Variants in GRM8 observed in about 807,000 individuals in gnomAD.
The protein encoded by GRM8 is glutamate metabotropic receptor 8.
GRM8 carries 47 observed loss-of-function variants against 87.2 expected under a neutral mutation model. The ratio of observed to expected loss-of-function variants is 0.54; its 90% confidence interval spans 0.43 to 0.69. The LOEUF is 0.69. Among genes scored for constraint, GRM8 ranks in the 30% least tolerant of loss-of-function variants. The pLI is 0.00. For synonymous variants in GRM8, 396 were observed against 404.5 expected, an observed-to-expected ratio of 0.98 and a Z score of 0.25; for missense variants, 1,019 against 1,139.2, an observed-to-expected ratio of 0.89 and a Z score of 1.52.
Position 126,900,301 on chromosome 7 carries a change from T to C in GRM8, c.1156+2241A>G, listed in dbSNP as rs191147435. On this transcript the variant is annotated intron_variant, in intron 6 of 10. Transcript: ENST00000339582. The stretch of plus-strand genomic sequence containing the variant: ...TTTATTTTATATTTCCTCTGTTAAC[T>C]AATTACATCACCATTTTCCTAGACC... 3.1e-3 allele frequency among the ~76,000 whole-genome samples: 470 copies of C among 152,304 alleles called. 5 individuals carry two copies. Among genetic ancestry groups the C allele is most frequent in the African/African-American group, 0.011 (450 of 41,568 alleles).
chr7:126,770,983 A>T (rs1818784986), intron 6 of GRM8, among the ~76,000 whole-genome samples: 1 of 152,068 alleles, frequency 6.6e-6, no homozygotes, highest in Non-Finnish European at 1.5e-5. Flanking sequence ...TGGGCATACA[A>T]GAAAAAATTA....
rs939029216 is a variant in GRM8, at chr7:127,119,558, A to C, written c.511-12846T>G. ...TACACAAGAAAGAAAGAAAAAAGAAAAGAAAAGGTAGAAGATGACTGAAAG... is the reference window on the plus strand; with the variant it reads ...TACACAAGAAAGAAAGAAAAAAGAACAGAAAAGGTAGAAGATGACTGAAAG... On this transcript the variant is annotated intron_variant, in intron 2 of 10. Transcript: ENST00000339582. Among the ~76,000 whole-genome samples the C allele has an allele frequency of 2.6e-5, 4 of 152,036 alleles. 1 individual carries two copies. The highest frequency in any genetic ancestry group is 2.6e-4 in the Admixed American group (4 of 15,262).
chr7:126,882,064 T>C (rs1265310489), intron 6 of GRM8, among the ~76,000 whole-genome samples: 3 of 152,170 alleles, frequency 2.0e-5, no homozygotes, highest in Non-Finnish European at 2.9e-5. Context: ...TATCTTACAC[T>C]AGTGACTTGG....
At chr7:126,721,902 T>C (rs1812429941) in intron 7 of GRM8, among the ~76,000 whole-genome samples, 1 of 152,118 alleles carries the variant, frequency 6.6e-6, no homozygotes, top group Non-Finnish European at 1.5e-5. Flanking sequence ...TTTTTTGTTG[T>C]TGTTTGCTTT....
chr7:127,065,740 C>T (rs1821042440), intron 3 of GRM8, among the ~76,000 whole-genome samples: 1 of 152,158 alleles, frequency 6.6e-6, no homozygotes, highest in Non-Finnish European at 1.5e-5. Context: ...GTTACTGCCA[C>T]AGTTGCAGAG....
chr7:126,735,909 A>G (rs1013232158), intron 7 of GRM8, among the ~76,000 whole-genome samples: 10 of 152,082 alleles, frequency 6.6e-5, no homozygotes, highest in African/African-American at 1.2e-4. Context: ...GGCATTACCC[A>G]TCTTTCTTTC....
chr7:126,905,350 C>T (rs1044675266), intron 3 of GRM8, among the ~76,000 whole-genome samples: 2 of 152,140 alleles, frequency 1.3e-5, no homozygotes, highest in Non-Finnish European at 2.9e-5. Flanking sequence ...TTGGCCTCTC[C>T]TTCTTAGGCA....
chr7:127,197,241 A>G (rs773807957), intron 2 of GRM8, among the ~76,000 whole-genome samples: 5 of 152,196 alleles, frequency 3.3e-5, no homozygotes, highest in Non-Finnish European at 5.9e-5. Context: ...CTTCTAATCT[A>G]CTTTTTAAAT....
intron 3 of GRM8, among the ~76,000 whole-genome samples, chr7:127,049,025 A>G (rs1179240873): frequency 6.6e-6 from 1 of 152,188 alleles, no homozygotes; most frequent in East Asian, 1.9e-4. Flanking sequence ...GAGGCTCGCC[A>G]TTATATTCTT....
intron 9 of GRM8, among the ~76,000 whole-genome samples, chr7:126,515,765 A>G (rs1425248174): frequency 6.6e-6 from 1 of 151,996 alleles, no homozygotes; most frequent in Non-Finnish European, 1.5e-5. Context: ...TCCCTCTTCC[A>G]TATCTGAGAC....
intron 3 of GRM8, among the ~76,000 whole-genome samples, chr7:127,095,130 C>T (rs1475860149): frequency 2.0e-5 from 3 of 152,058 alleles, no homozygotes; most frequent in African/African-American, 7.2e-5. Flanking sequence ...AACCAGGAGG[C>T]CAGAATACAG....
At chr7:127,213,176 C>T (rs1392987732) in intron 2 of GRM8, among the ~76,000 whole-genome samples, 2 of 152,220 alleles carry the variant, frequency 1.3e-5, no homozygotes, top group African/African-American at 4.8e-5. Context: ...AACTGGCTCA[C>T]TTCTCCGAAT....
chr7:126,912,100 G>A (rs1803369762), intron 3 of GRM8, among the ~76,000 whole-genome samples: 1 of 152,186 alleles, frequency 6.6e-6, no homozygotes, highest in South Asian at 2.1e-4. Flanking sequence ...GGGAGGCTGA[G>A]GCAGGAGAAC....
At chr7:127,148,307 A>G (rs13230800) in intron 2 of GRM8, among the ~76,000 whole-genome samples, 6,017 of 152,050 alleles carry the variant, frequency 0.04, 164 homozygotes, top group Non-Finnish European at 0.061. Context: ...TGCACCCCAC[A>G]CCAGAGCACC....
chr7:126,644,103 T>C lies in GRM8; in HGVS notation c.1358-34605A>G, dbSNP rs1040744430. 3.3e-5 allele frequency among the ~76,000 whole-genome samples: 5 copies of C among 152,360 alleles called. No homozygotes were observed. In the South Asian group the frequency reaches 1.0e-3, roughly 32 times the overall value. On this transcript the variant is annotated intron_variant, in intron 7 of 10. Transcript: ENST00000339582. ...AGTCGATGGTGAATCTTACATTAGA[T>C]GGTATCTTGGATCTATGTTGTGATT...
At chr7:127,075,226 C>T (rs1320523447) in intron 3 of GRM8, among the ~76,000 whole-genome samples, 1 of 152,084 alleles carries the variant, frequency 6.6e-6, no homozygotes, top group Non-Finnish European at 1.5e-5. Context: ...CCAGGTGAGG[C>T]TTTAAGCTCA....
chr7:126,486,155 A>G (rs1807338457), intron 9 of GRM8, among the ~76,000 whole-genome samples: 1 of 152,014 alleles, frequency 6.6e-6, no homozygotes, highest in Admixed American at 6.6e-5. Context: ...TGATTGACTA[A>G]GAGACTAATT....
intron 7 of GRM8, among the ~76,000 whole-genome samples, chr7:126,657,726 A>T (rs755456179): frequency 2.7e-4 from 41 of 152,254 alleles, no homozygotes; most frequent in South Asian, 8.3e-4. Context: ...CTAATGACAT[A>T]GTGTGTATGC....
chr7:126,907,459 G>A (rs950761146), intron 3 of GRM8, among the ~76,000 whole-genome samples: 1 of 152,064 alleles, frequency 6.6e-6, no homozygotes, highest in African/African-American at 2.4e-5. Context: ...GACTGCTCAG[G>A]GAAAGCCACC....
Sources: gnomAD v4.1 joint callset for allele counts (sites outside exome capture counted in the v4.1 genomes callset) on GRCh38, gnomAD v4.1.1 for gene constraint, MANE v1.5 for transcripts, NCBI Gene and HGNC (gene_info 2026-07-23, HGNC 2026-07-21) for gene names.